Variants in INPP4B observed in about 807,000 individuals in gnomAD.
INPP4B encodes inositol polyphosphate-4-phosphatase type II B.
In INPP4B, 55 loss-of-function variants were observed where a neutral mutation model predicts 122.5. The ratio of observed to expected loss-of-function variants is 0.45; its 90% confidence interval spans 0.36 to 0.56. The LOEUF is 0.56. Among genes scored for constraint, INPP4B ranks in the 20% least tolerant of loss-of-function variants. The probability of loss-of-function intolerance (pLI) is 0.00; values close to 1 mark genes in which losing one functional copy is unlikely to be tolerated. For missense variants in INPP4B, 1,000 were observed against 1,097.7 expected (o/e 0.91, Z 1.26); for synonymous variants, 403 against 388.7 (o/e 1.04, Z -0.43).
intron 2 of INPP4B, among the ~76,000 whole-genome samples, chr4:142,531,298 AAAG>A (rs1827583890): frequency 6.6e-6 from 1 of 151,674 alleles, no homozygotes; most frequent in South Asian, 2.1e-4. Context: ...GAAAGAAAGG[AAAG>A]AAGGGAGGGG....
At chr4:142,188,772 T>G (rs1834408980) in intron 15 of INPP4B, among the ~76,000 whole-genome samples, 1 of 152,076 alleles carries the variant, frequency 6.6e-6, no homozygotes. Flanking sequence ...ATAAAAATTT[T>G]TATTCTTAAG....
At chr4:142,707,225 C>T (rs1023321455) in intron 2 of INPP4B, among the ~76,000 whole-genome samples, 7 of 152,192 alleles carry the variant, frequency 4.6e-5, no homozygotes, top group Non-Finnish European at 8.8e-5. Flanking sequence ...TAAATAACCT[C>T]CTTGTCTTCC....
intron 2 of INPP4B, among the ~76,000 whole-genome samples, chr4:142,685,005 T>C (rs1198151391): frequency 2.0e-5 from 3 of 152,032 alleles, no homozygotes; most frequent in Non-Finnish European, 2.9e-5. Flanking sequence ...TTTCTAAAAT[T>C]TAATTTATTT....
intron 5 of INPP4B, among the ~76,000 whole-genome samples, chr4:142,422,172 C>T (rs1052432159): frequency 3.9e-5 from 6 of 151,974 alleles, no homozygotes; most frequent in African/African-American, 1.5e-4. Context: ...CAGTTTAATT[C>T]TAAGTTTTCT....
At chr4:142,843,161 T>C (rs1783768253) in intron 1 of INPP4B, among the ~76,000 whole-genome samples, 1 of 151,490 alleles carries the variant, frequency 6.6e-6, no homozygotes. Context: ...TTTCTAGGTA[T>C]ATACTGCTCT....
chr4:142,401,814 T>A (rs1248484112), intron 7 of INPP4B, among the ~76,000 whole-genome samples: 1 of 152,244 alleles, frequency 6.6e-6, no homozygotes, highest in Non-Finnish European at 1.5e-5. Context: ...TTGTACCAGA[T>A]AGCCACAACT....
chr4:142,433,313 T>A (rs1245127309), intron 3 of INPP4B, among the ~76,000 whole-genome samples: 1 of 152,272 alleles, frequency 6.6e-6, no homozygotes, highest in Non-Finnish European at 1.5e-5. Context: ...GTGGTTGTTG[T>A]ATACCACAAG....
intron 1 of INPP4B, among the ~76,000 whole-genome samples, chr4:142,746,186 C>G (rs1017560102): frequency 2.6e-5 from 4 of 151,676 alleles, no homozygotes; most frequent in African/African-American, 9.7e-5. Flanking sequence ...ATAGGACATA[C>G]ACTAACCAGA....
At chr4:142,474,018 G>T (rs1819383259) in intron 2 of INPP4B, among the ~76,000 whole-genome samples, 1 of 152,132 alleles carries the variant, frequency 6.6e-6, no homozygotes, top group Admixed American at 6.5e-5. Context: ...TGTTGTCCCA[G>T]GAAACATCCG....
rs760281160 is a variant in INPP4B, at chr4:142,431,188, G to A, written c.72C>T (p.Pro24=). 3.0e-5 allele frequency: 48 copies of A among 1,612,820 alleles called. No individual in the cohort carries two copies. The highest frequency in any genetic ancestry group is 1.5e-4 in the Admixed American group (9 of 59,942). The change falls in exon 4 of 26, where the codon CCC becomes CCT. Residue 24 remains proline, a synonymous_variant. Transcript: ENST00000262992. The stretch of plus-strand genomic sequence containing the variant: ...ACTTACTTGTGAACTGACAGTCCCC[G>A]GGATCATTGGCCTGGGCTGTAGGAA... ...HFLPTAQAND[P]GDCQFTSIQK... is the part of the protein sequence containing the mutation.
chr4:142,341,683 G>A (rs572614635), intron 7 of INPP4B, among the ~76,000 whole-genome samples: 4 of 152,240 alleles, frequency 2.6e-5, no homozygotes, highest in South Asian at 2.1e-4. Context: ...GTCACCTTGC[G>A]ATTATATTCC....
chr4:142,399,189 C>CTTTTTTTTTT lies in INPP4B; in HGVS notation c.372+3739_372+3748dup, dbSNP rs70949166. On this transcript the variant is annotated intron_variant, in intron 7 of 25. Transcript: ENST00000262992. ...CTTTTCCTTTCTAAATTTCCTTTTG[C>CTTTTTTTTTT]TTTTTTTTTTTTTTTTTTTTTTTTT... Among the ~76,000 whole-genome samples, 8 of 56,990 alleles carry CTTTTTTTTTT rather than the reference C, an allele frequency of 1.4e-4. 1 individual carries two copies. The East Asian group carries it at 2.1e-3, about 15-fold the overall frequency. The allele number at this position is 56,990 out of a possible 152,430, so 37.4% of individuals were successfully genotyped here. A position where few individuals can be genotyped will look rare whatever the true frequency, so the allele number is the denominator to read the frequency against.
At chr4:142,411,752 C>T (rs1256869830) in intron 5 of INPP4B, among the ~76,000 whole-genome samples, 1 of 152,060 alleles carries the variant, frequency 6.6e-6, no homozygotes, top group Non-Finnish European at 1.5e-5. Context: ...ATTAGCTGGG[C>T]ATGGTGATGC....
intron 12 of INPP4B, among the ~76,000 whole-genome samples, chr4:142,213,275 G>T (rs1579308151): frequency 6.6e-6 from 1 of 152,176 alleles, no homozygotes; most frequent in Non-Finnish European, 1.5e-5. Context: ...CACCCAACAG[G>T]TGTTGGGTCT....
chr4:142,046,523 C>G (rs1451341509), intron 25 of INPP4B, among the ~76,000 whole-genome samples: 2 of 151,922 alleles, frequency 1.3e-5, no homozygotes, highest in Non-Finnish European at 2.9e-5. Flanking sequence ...GAAAGAACAG[C>G]ATGAACAAAG....
intron 2 of INPP4B, among the ~76,000 whole-genome samples, chr4:142,590,272 A>G (rs1737137008): frequency 6.6e-6 from 1 of 152,232 alleles, no homozygotes; most frequent in African/African-American, 2.4e-5. Context: ...CAGAATTGTT[A>G]TAAAATCAAT....
At chr4:142,096,633 A>C (rs1293258729) in intron 23 of INPP4B, among the ~76,000 whole-genome samples, 1 of 152,164 alleles carries the variant, frequency 6.6e-6, no homozygotes, top group African/African-American at 2.4e-5. Context: ...AGTAGTTAAA[A>C]AATTCTCTCA....
At chr4:142,764,466 T>C (rs77794710) in intron 1 of INPP4B, among the ~76,000 whole-genome samples, 5,153 of 152,140 alleles carry the variant, frequency 0.034, 97 homozygotes, top group Middle Eastern at 0.11. Context: ...TTGTTGATGT[T>C]ATAGATACTG....
At chr4:142,741,342 G>A (rs1767872134) in intron 1 of INPP4B, among the ~76,000 whole-genome samples, 1 of 151,898 alleles carries the variant, frequency 6.6e-6, no homozygotes. Flanking sequence ...GAGACGAGGA[G>A]GAGCCAGCCC....
Sources: allele counts gnomAD v4.1 joint callset (sites outside exome capture counted in the v4.1 genomes callset), GRCh38; gene constraint gnomAD v4.1.1; transcripts MANE v1.5; gene names NCBI Gene and HGNC (gene_info 2026-07-23, HGNC 2026-07-21).